Variants in UFL1 observed in about 807,000 individuals in gnomAD.
The protein encoded by UFL1 is E3 UFM1-protein ligase 1.
Under a neutral mutation model 99.3 loss-of-function variants are expected in UFL1, and 78 were observed. The observed-to-expected ratio is 0.79, with a 90% CI of 0.65 to 0.95. UFL1 has a LOEUF of 0.95. UFL1 is among the 40% of genes least tolerant of loss of function. The pLI is 0.00. For missense variants in UFL1, 936 were observed against 937.0 expected (o/e 1.00, Z 0.01); for synonymous variants, 335 against 322.2 (o/e 1.04, Z -0.42).
chr6:96,547,616 A>G (rs1770018443), intron 12 of UFL1, among the ~76,000 whole-genome samples: 1 of 151,640 alleles, frequency 6.6e-6, no homozygotes, highest in Non-Finnish European at 1.5e-5. Context: ...GGTGTATACC[A>G]TGGAATACAA....
At position 96,522,354 on chromosome 6, in the gene UFL1, G is replaced by C. The variant is rs1769628047; in HGVS notation, c.77+404G>C. ...AAGGAGAGGCTAACCCCCGCCCCCA[G>C]TACAGTACTTGGCAAATAGTATGTT... On this transcript the variant is annotated intron_variant, in intron 1 of 18. Coordinates refer to ENST00000369278, the MANE Select transcript of UFL1 (RefSeq NM_015323.5). 2.0e-5 allele frequency among the ~76,000 whole-genome samples: 3 copies of C among 152,142 alleles called. 1 individual carries two copies. The highest frequency in any genetic ancestry group is 2.0e-4 in the Admixed American group (3 of 15,280).
Position 96,547,816 on chromosome 6 carries a change from G to T in UFL1, c.1403-348G>T, listed in dbSNP as rs141472960. On this transcript the variant is annotated intron_variant, in intron 12 of 18. Transcript: ENST00000369278. ...TCCGAAAGAAGGGAAGTTGGGGGGG[G>T]GCGGTATGTGGGCAGGGCAAGGGTT... Among the ~76,000 whole-genome samples, 1,388 of 151,268 alleles carry T rather than the reference G, an allele frequency of 9.2e-3. 19 individuals carry two copies. The highest frequency in any genetic ancestry group is 0.032 in the African/African-American group (1,326 of 41,322).
chr6:96,553,106 A>G (rs1049444197), intron 18 of UFL1, among the ~76,000 whole-genome samples, 179 bp from the exon 19 acceptor site: 2 of 152,040 alleles, frequency 1.3e-5, no homozygotes, highest in East Asian at 1.9e-4. Context: ...TTCATGTTTT[A>G]TCTCTCCTAA....
chr6:96,543,489 C>T (rs114088814), intron 12 of UFL1, among the ~76,000 whole-genome samples: 1,656 of 150,984 alleles, frequency 0.011, 33 homozygotes, highest in African/African-American at 0.035. Flanking sequence ...AAGATAAAAG[C>T]GTAGCAAAGA....
At chr6:96,522,038 C>T in intron 1 of UFL1, 88 bp downstream of exon 1, 1 of 1,382,942 alleles carries the variant, frequency 7.2e-7, no homozygotes, top group South Asian at 1.3e-5. Context: ...CGCGGCCCTG[C>T]ATCCCGGGTC....
rs1474358439 is a variant in UFL1, at chr6:96,526,340, G to T, written c.370G>T (p.Ala124Ser). The stretch of plus-strand genomic sequence containing the variant: ...TATTAGGAATTATTTGGATCGGTTG[G>T]CAGAAGAGGTCAATGATAAATTGCA... ...LIDENYLDRL[A>S]EEVNDKLQES... The change falls in exon 5 of 19, where the codon GCA becomes TCA. Residue 124 changes from alanine to serine, a missense_variant. Coordinates refer to ENST00000369278, the MANE Select transcript of UFL1 (RefSeq NM_015323.5). The T allele has an allele frequency of 1.9e-6, 3 of 1,612,984 alleles. No homozygotes were observed. Among genetic ancestry groups the T allele is most frequent in the East Asian group, 2.2e-5 (1 of 44,784 alleles).
chr6:96,542,948 T>C lies in UFL1; in HGVS notation c.1334T>C (p.Ile445Thr), dbSNP rs1199785855. 7.5e-6 allele frequency: 12 copies of C among 1,602,240 alleles called. No homozygotes were observed. The highest frequency in any genetic ancestry group is 1.4e-5 in the African/African-American group (1 of 74,010). The part of the protein sequence containing the change: ...GGGGNAREYK[I>T]KKVKKKGRKD... ...GGGGGCAATGCCAGAGAGTACAAAATTAAAAAAGTCAAGAAGAAAGGAAGA... is the reference window on the plus strand; with the variant it reads ...GGGGGCAATGCCAGAGAGTACAAAACTAAAAAAGTCAAGAAGAAAGGAAGA... The change falls in exon 12 of 19, where the codon ATT (isoleucine) becomes ACT (threonine). Residue 445 changes from isoleucine to threonine, a missense_variant. Ile to Thr is a moderately conservative substitution (Grantham distance 89). Coordinates refer to ENST00000369278, the MANE Select transcript of UFL1 (RefSeq NM_015323.5).
intron 15 of UFL1, among the ~76,000 whole-genome samples, chr6:96,551,023 A>G (rs1770071710): frequency 6.6e-6 from 1 of 151,948 alleles, no homozygotes; most frequent in African/African-American, 2.4e-5. Flanking sequence ...ATAGAGCATA[A>G]CAAGCATCCA....
intron 5 of UFL1, among the ~76,000 whole-genome samples, chr6:96,527,903 G>C (rs948507865): frequency 6.6e-6 from 1 of 152,128 alleles, no homozygotes; most frequent in Non-Finnish European, 1.5e-5. Context: ...ACTTATTTCA[G>C]ATGTACCTGA....
At chr6:96,525,563 C>T (rs1769686561) in intron 4 of UFL1, among the ~76,000 whole-genome samples, 169 bp downstream of exon 4, 1 of 151,426 alleles carries the variant, frequency 6.6e-6, no homozygotes, top group Non-Finnish European at 1.5e-5. Context: ...GTGTTTAAGC[C>T]ACATATGGTG....
rs1410395534 is a variant in UFL1, at chr6:96,521,961, C to T, written c.77+11C>T. The T allele has an allele frequency of 4.3e-6, 7 of 1,609,426 alleles. No individual in the cohort carries two copies. The highest frequency in any genetic ancestry group is 5.9e-6 in the Non-Finnish European group (7 of 1,178,132). The stretch of plus-strand genomic sequence containing the variant: ...CGAGGCCACGCAGAGGTGCCCGACC[C>T]TCCCTCTCCTTTGTGGAGCCCAAAT... On this transcript the variant is annotated intron_variant, in intron 1 of 18. Transcript: ENST00000369278.
chr6:96,522,287 C>T (rs757816989), intron 1 of UFL1, among the ~76,000 whole-genome samples: 3 of 152,190 alleles, frequency 2.0e-5, no homozygotes, highest in Non-Finnish European at 4.4e-5. Flanking sequence ...ATCACTGTGA[C>T]ATCTTGGCTA....
intron 6 of UFL1, 137 bp downstream of exon 6, chr6:96,528,769 CAGCTTTTGTAAA>C: frequency 8.8e-7 from 1 of 1,130,222 alleles, no homozygotes; most frequent in South Asian, 1.9e-5. Context: ...GATAAAAGGG[CAGCTTTTGTAAA>C]ATAGAAATTG....
rs897630056 is a variant in UFL1, at chr6:96,523,385, T to C, written c.223+94T>C. On this transcript the variant is annotated intron_variant, in intron 2 of 18. Coordinates refer to ENST00000369278, the MANE Select transcript of UFL1 (RefSeq NM_015323.5). ...CGTAAACATGTAATTGCATACTAAA[T>C]TATAGATTGTAAGATATCGTTTTCA... 39 of 1,281,396 alleles carry C rather than the reference T, an allele frequency of 3.0e-5. No homozygotes were observed. The African/African-American group carries it at 5.0e-4, about 16-fold the overall frequency. The allele number at this position is 1,281,396 out of a possible 1,614,324, so 79.4% of individuals were successfully genotyped here.
rs778088359 is a variant in UFL1, at chr6:96,538,621, G to A, written c.979-10G>A. 3 of 1,608,264 alleles carry A rather than the reference G, an allele frequency of 1.9e-6. No individual in the cohort carries two copies. Among genetic ancestry groups the A allele is most frequent in the South Asian group, 2.2e-5 (2 of 90,842 alleles). Reference sequence around the variant, plus strand: ...TTTATACTTTATTTTTATTTTGTTTGTAATTCTAGCCTCTGCTACCCACTT... The same window carrying A: ...TTTATACTTTATTTTTATTTTGTTTATAATTCTAGCCTCTGCTACCCACTT... On this transcript the variant is annotated splice_polypyrimidine_tract_variant and intron_variant, in intron 9 of 18. Transcript: ENST00000369278.
Position 96,525,414 on chromosome 6 carries a change from A to C in UFL1, c.350+20A>C. 1 of 1,532,648 alleles carries C rather than the reference A, an allele frequency of 6.5e-7. No homozygotes were observed. The highest frequency in any genetic ancestry group is 1.9e-5 in the Admixed American group (1 of 53,414). The allele number at this position is 1,532,648 out of a possible 1,614,324, so 94.9% of individuals were successfully genotyped here. A position where few individuals can be genotyped will look rare whatever the true frequency, so the allele number is the denominator to read the frequency against. On this transcript the variant is annotated intron_variant, in intron 4 of 18. Transcript: ENST00000369278. ...AGATGAGTAAGTACAATAAAGTACA[A>C]ATTTAAGAGCACTTTGTTTATTTTC... is the stretch of plus-strand genomic sequence containing the variant.
chr6:96,547,744 T>A (rs906746254), intron 12 of UFL1, among the ~76,000 whole-genome samples: 3 of 150,358 alleles, frequency 2.0e-5, no homozygotes, highest in Non-Finnish European at 4.4e-5. Flanking sequence ...TTCTCACTTA[T>A]AAATGGGAGC....
chr6:96,528,703 G>A lies in UFL1; in HGVS notation c.596+71G>A, dbSNP rs771176293. ...TGGTTTGCATTTTTTTCCTAGCAGC[G>A]GAATCTTTTTCTTTGTTTTAATAAA... On this transcript the variant is annotated intron_variant, in intron 6 of 18. Coordinates refer to ENST00000369278, the MANE Select transcript of UFL1 (RefSeq NM_015323.5). The A allele has an allele frequency of 2.7e-4, 390 of 1,466,860 alleles. 2 individuals are homozygous for A. The highest frequency in any genetic ancestry group is 2.1e-4 in the Non-Finnish European group (226 of 1,100,004). 90.9% of individuals were successfully genotyped at this position (1,466,860 alleles called of 1,614,324 possible).
intron 17 of UFL1, 89 bp downstream of exon 17, chr6:96,552,012 A>G (rs1770088401): frequency 2.3e-6 from 2 of 874,862 alleles, no homozygotes; most frequent in Non-Finnish European, 1.9e-6. Context: ...CGGCTCTTAC[A>G]CAGAGAATAT....
Sources: gnomAD v4.1 joint callset for allele counts (sites outside exome capture counted in the v4.1 genomes callset) on GRCh38, gnomAD v4.1.1 for gene constraint, MANE v1.5 for transcripts, NCBI Gene and HGNC (gene_info 2026-07-23, HGNC 2026-07-21) for gene names.